Variants in FHIT observed in about 807,000 individuals in gnomAD.
The protein encoded by FHIT is fragile histidine triad diadenosine triphosphatase.
FHIT carries 19 observed loss-of-function variants against 17.9 expected under a neutral mutation model. The observed-to-expected ratio is 1.06, with a 90% CI of 0.74 to 1.56. The LOEUF is 1.56. Ranked by LOEUF, FHIT falls within the 40% of genes most tolerant of loss-of-function variation. The pLI is 0.00. For missense variants in FHIT, 248 were observed against 189.2 expected (o/e 1.31, Z -1.82); for synonymous variants, 81 against 69.7 (o/e 1.16, Z -0.81).
chr3:60,679,520 C>T (rs1316561227), intron 4 of FHIT, among the ~76,000 whole-genome samples: 2 of 152,060 alleles, frequency 1.3e-5, no homozygotes, highest in Non-Finnish European at 2.9e-5. Flanking sequence ...CATAGCAATG[C>T]AATTTTCCCA....
chr3:60,213,381 A>G (rs1022165446), intron 5 of FHIT, among the ~76,000 whole-genome samples: 1 of 152,098 alleles, frequency 6.6e-6, no homozygotes, highest in Admixed American at 6.5e-5. Flanking sequence ...ATCAGATTTC[A>G]CCGAAGCAAT....
chr3:60,203,967 T>C (rs1703037566), intron 5 of FHIT, among the ~76,000 whole-genome samples: 1 of 151,934 alleles, frequency 6.6e-6, no homozygotes, highest in South Asian at 2.1e-4. Context: ...GGGGGGTGAA[T>C]AGTTAGTGAG....
intron 5 of FHIT, among the ~76,000 whole-genome samples, chr3:60,126,633 T>G (rs190989591): frequency 1.1e-3 from 172 of 152,280 alleles, no homozygotes; most frequent in African/African-American, 3.7e-3. Context: ...CCAACAGAAT[T>G]TGATTCACAA....
intron 2 of FHIT, among the ~76,000 whole-genome samples, chr3:61,180,113 T>C (rs1408044096): frequency 1.3e-5 from 2 of 149,604 alleles, no homozygotes; most frequent in African/African-American, 2.4e-5. Context: ...ACTGACAGTC[T>C]TGTTAAAACC....
rs62268670 is a variant in FHIT, at chr3:61,021,502, G to A, written c.-111+20545C>T. Among the ~76,000 whole-genome samples, 1,211 of 144,948 alleles carry A rather than the reference G, an allele frequency of 8.4e-3. 16 individuals are homozygous for A. Among genetic ancestry groups the A allele is most frequent in the African/African-American group, 0.028 (1,138 of 40,390 alleles). ...TAGTCCCAGCTACTTGGGAGGCTGA[G>A]GCAGGAGAATGGCGTGAACCCGGGA... is the stretch of plus-strand genomic sequence containing the variant. On this transcript the variant is annotated intron_variant, in intron 3 of 9. Coordinates refer to ENST00000492590, the MANE Select transcript of FHIT (RefSeq NM_002012.4).
At chr3:59,829,789 G>C (rs1043132732) in intron 8 of FHIT, among the ~76,000 whole-genome samples, 3 of 152,126 alleles carry the variant, frequency 2.0e-5, no homozygotes, top group Non-Finnish European at 4.4e-5. Flanking sequence ...TGCAGGCCCA[G>C]GTGTCAGAAT....
At chr3:60,009,168 TGTGTG>T (rs1700040695) in intron 7 of FHIT, among the ~76,000 whole-genome samples, 6 of 8,024 alleles carry the variant, frequency 7.5e-4, no homozygotes, top group African/African-American at 2.2e-3. Flanking sequence ...GGATTTTATG[TGTGTG>T]TGTGTGTGTG....
intron 5 of FHIT, among the ~76,000 whole-genome samples, chr3:60,291,560 T>C (rs1707985151): frequency 6.6e-6 from 1 of 152,168 alleles, no homozygotes; most frequent in Admixed American, 6.5e-5. Context: ...AGCTTCCAGC[T>C]TGCTTATTTA....
At chr3:59,930,839 C>T (rs781642429) in intron 7 of FHIT, among the ~76,000 whole-genome samples, 3 of 152,184 alleles carry the variant, frequency 2.0e-5, no homozygotes, top group East Asian at 1.9e-4. Context: ...TTGAGAACCC[C>T]GAAACCCTGA....
intron 5 of FHIT, among the ~76,000 whole-genome samples, chr3:60,360,002 T>C (rs1198290381): frequency 4.6e-5 from 7 of 151,114 alleles, no homozygotes; most frequent in South Asian, 2.1e-4. Flanking sequence ...TTTTTCTTTT[T>C]TTTTTTTTCA....
At chr3:60,306,947 G>A (rs1204452519) in intron 5 of FHIT, among the ~76,000 whole-genome samples, 3 of 152,092 alleles carry the variant, frequency 2.0e-5, no homozygotes, top group Non-Finnish European at 2.9e-5. Context: ...CCTCTATGCT[G>A]CACTTCTTTT....
intron 4 of FHIT, among the ~76,000 whole-genome samples, chr3:60,756,588 T>C (rs2108043429): frequency 6.6e-6 from 1 of 152,218 alleles, no homozygotes; most frequent in Non-Finnish European, 1.5e-5. Context: ...GGAGACGGTA[T>C]TGATGAAGAA....
intron 8 of FHIT, among the ~76,000 whole-genome samples, chr3:59,861,734 T>C (rs1702414185): frequency 6.6e-6 from 1 of 152,216 alleles, no homozygotes; most frequent in African/African-American, 2.4e-5. Context: ...GTACAAGAAG[T>C]CTATTTTCAT....
intron 4 of FHIT, among the ~76,000 whole-genome samples, chr3:60,662,670 C>T (rs1553691461): frequency 6.6e-6 from 1 of 152,068 alleles, no homozygotes; most frequent in African/African-American, 2.4e-5. Flanking sequence ...TTGATTCTAT[C>T]CATCCCTGAA....
chr3:60,125,143 G>A (rs930329980), intron 5 of FHIT, among the ~76,000 whole-genome samples: 1 of 152,158 alleles, frequency 6.6e-6, no homozygotes, highest in Admixed American at 6.5e-5. Flanking sequence ...GCCACTCCAA[G>A]AAGCTGACCT....
At chr3:60,932,017 T>C (rs1248996673) in intron 3 of FHIT, among the ~76,000 whole-genome samples, 1 of 152,114 alleles carries the variant, frequency 6.6e-6, no homozygotes, top group Non-Finnish European at 1.5e-5. Context: ...CAAGTCTAAA[T>C]ATAAGGTCCC....
In FHIT at chr3:60,316,823, C is replaced by T. The variant is rs184548268; in HGVS notation, c.103+220037G>A. On this transcript the variant is annotated intron_variant, in intron 5 of 9. Coordinates refer to ENST00000492590, the MANE Select transcript of FHIT (RefSeq NM_002012.4). Reference sequence around the variant, plus strand: ...AATTTCTTAAAATAATTTCATAGCACACACTCAATATTTTGATTACTGATG... The same window carrying T: ...AATTTCTTAAAATAATTTCATAGCATACACTCAATATTTTGATTACTGATG... Among the ~76,000 whole-genome samples the T allele has an allele frequency of 8.6e-4, 131 of 152,282 alleles. 1 individual carries two copies. Among genetic ancestry groups the T allele is most frequent in the African/African-American group, 2.7e-3 (113 of 41,556 alleles).
At chr3:60,758,652 T>C (rs1699531161) in intron 4 of FHIT, among the ~76,000 whole-genome samples, 1 of 152,222 alleles carries the variant, frequency 6.6e-6, no homozygotes, top group African/African-American at 2.4e-5. Flanking sequence ...AGCTGTCGCT[T>C]AAAAATTTAG....
chr3:60,308,490 G>GTGTATATATATATA (rs1471416743), intron 5 of FHIT, among the ~76,000 whole-genome samples: 1 of 74,992 alleles, frequency 1.3e-5, no homozygotes, highest in African/African-American at 5.8e-5. Flanking sequence ...AGGTATAGGT[G>GTGTATATATATATA]TATGTGTATA....
Sources: gnomAD v4.1 joint callset for allele counts (sites outside exome capture counted in the v4.1 genomes callset) on GRCh38, gnomAD v4.1.1 for gene constraint, MANE v1.5 for transcripts, NCBI Gene and HGNC (gene_info 2026-07-23, HGNC 2026-07-21) for gene names.